UGT1A10: variants seen among roughly 807,000 people sequenced by gnomAD.
UGT1A10 encodes UDP-glucuronosyltransferase 1A10.
In UGT1A10, 49 loss-of-function variants were observed where a neutral mutation model predicts 45.8. That is an observed-to-expected ratio of 1.07 (90% CI 0.85 to 1.36). The LOEUF is 1.36. Ranked by LOEUF, UGT1A10 falls within the 40% of genes most tolerant of loss-of-function variation. The pLI is 0.00. For synonymous variants in UGT1A10, 284 were observed against 249.7 expected, an observed-to-expected ratio of 1.14 and a Z score of -1.29; for missense variants, 745 against 668.6, an observed-to-expected ratio of 1.11 and a Z score of -1.26.
At chr2:233,756,038 T>C (rs1229247298) in intron 1 of UGT1A10, 1 of 152,242 alleles carries the variant, frequency 6.6e-6, no homozygotes, top group Non-Finnish European at 1.5e-5. Flanking sequence ...ATGTAGCTTC[T>C]GGAAAACTCC....
intron 1 of UGT1A10, among the ~76,000 whole-genome samples, chr2:233,643,489 C>A (rs1324066906): frequency 6.6e-6 from 1 of 152,066 alleles, no homozygotes; most frequent in Non-Finnish European, 1.5e-5. Flanking sequence ...GAAATGCTGT[C>A]CGAGTCAAGT....
At chr2:233,760,928 T>C (rs1276169722) in intron 1 of UGT1A10, 2 of 1,614,184 alleles carry the variant, frequency 1.2e-6, no homozygotes, top group Non-Finnish European at 1.7e-6. Context: ...AAGAACATGC[T>C]CATTGCCTTT....
At chr2:233,663,646 C>A (rs575637406) in intron 1 of UGT1A10, among the ~76,000 whole-genome samples, 1 of 152,228 alleles carries the variant, frequency 6.6e-6, no homozygotes, top group East Asian at 1.9e-4. Flanking sequence ...GGAATCTAGT[C>A]CCCTGGCAAG....
At chr2:233,694,584 A>G (rs2075227609) in intron 1 of UGT1A10, among the ~76,000 whole-genome samples, 1 of 152,218 alleles carries the variant, frequency 6.6e-6, no homozygotes, top group Non-Finnish European at 1.5e-5. Context: ...GTAAATATTT[A>G]CAACTTTGAA....
intron 1 of UGT1A10, among the ~76,000 whole-genome samples, chr2:233,669,055 T>C (rs1462807738): frequency 6.6e-6 from 1 of 152,232 alleles, no homozygotes; most frequent in African/African-American, 2.4e-5. Context: ...GTAATGTGTT[T>C]TCCCGCTTTC....
At position 233,672,363 on chromosome 2, in the gene UGT1A10, T is replaced by G. The variant is rs751596599; in HGVS notation, c.855+34986T>G. On this transcript the variant is annotated intron_variant, in intron 1 of 4. Coordinates refer to ENST00000344644, the MANE Select transcript of UGT1A10 (RefSeq NM_019075.4). ...AATACTTAAAGGAGAGTTCTTTTGA[T>G]GCAGTGTTTCTCGATCCTTTTGATA... 4 of 1,614,210 alleles carry G rather than the reference T, an allele frequency of 2.5e-6. No individual in the cohort carries two copies. The East Asian group carries it at 8.9e-5, about 36-fold the overall frequency.
At chr2:233,692,017 T>C (rs1291303297) in intron 1 of UGT1A10, 2 of 152,224 alleles carry the variant, frequency 1.3e-5, no homozygotes, top group Non-Finnish European at 2.9e-5. Flanking sequence ...TCTCTAAGGA[T>C]GAGGGCTAGT....
chr2:233,701,290 G>A (rs1052682506), intron 1 of UGT1A10, among the ~76,000 whole-genome samples: 2 of 152,088 alleles, frequency 1.3e-5, no homozygotes, highest in South Asian at 2.1e-4. Context: ...TTGAGGAATC[G>A]CCACACTGTC....
chr2:233,732,886 T>C lies in UGT1A10; in HGVS notation c.856-34148T>C, dbSNP rs572448291. On this transcript the variant is annotated intron_variant, in intron 1 of 4. Coordinates refer to ENST00000344644, the MANE Select transcript of UGT1A10 (RefSeq NM_019075.4). ...CTTGATGGGTTTGGCATTGAATCTATAAATTACCTTGGGCAGTATGGCCAT... is the reference window on the plus strand; with the variant it reads ...CTTGATGGGTTTGGCATTGAATCTACAAATTACCTTGGGCAGTATGGCCAT... Among the ~76,000 whole-genome samples, 466 of 152,210 alleles carry C rather than the reference T, an allele frequency of 3.1e-3. 4 individuals are homozygous for C. The highest frequency in any genetic ancestry group is 0.011 in the African/African-American group (443 of 41,520).
chr2:233,673,359 A>G (rs45456696), intron 1 of UGT1A10, among the ~76,000 whole-genome samples: 63 of 152,286 alleles, frequency 4.1e-4, no homozygotes, highest in African/African-American at 1.5e-3. Context: ...TTTGGATGCA[A>G]TGTAGTTTTT....
chr2:233,668,389 C>A (rs900825718), intron 1 of UGT1A10, among the ~76,000 whole-genome samples: 2 of 152,204 alleles, frequency 1.3e-5, no homozygotes, highest in African/African-American at 4.8e-5. Flanking sequence ...ATGAACTCAT[C>A]CTTTTTTATG....
At chr2:233,680,011 T>TTC (rs892879074) in intron 1 of UGT1A10, among the ~76,000 whole-genome samples, 1 of 152,052 alleles carries the variant, frequency 6.6e-6, no homozygotes, top group Non-Finnish European at 1.5e-5. Flanking sequence ...TTTTCTTTCT[T>TTC]TCTCTCTCTC....
chr2:233,695,130 C>CTTTCTTTTTTTTTTT (rs1364557158), intron 1 of UGT1A10, among the ~76,000 whole-genome samples: 3 of 138,838 alleles, frequency 2.2e-5, no homozygotes, highest in South Asian at 2.3e-4. Flanking sequence ...CTTTTCTTTT[C>CTTTCTTTTTTTTTTT]TTTTTTTTTT....
chr2:233,689,041 A>G (rs1448719900), intron 1 of UGT1A10, among the ~76,000 whole-genome samples: 1 of 152,142 alleles, frequency 6.6e-6, no homozygotes, highest in African/African-American at 2.4e-5. Context: ...ATCCTACTTT[A>G]TGTCTCTTCT....
rs561148269 is a variant in UGT1A10 at position 233,758,341 on chromosome 2, T to A, written c.856-8693T>A. The stretch of plus-strand genomic sequence containing the variant: ...GCAGCCTCAAAAAGCTTGGAAGCTC[T>A]GCATGATGCAGGAAAGTCATAAAAT... On this transcript the variant is annotated intron_variant, in intron 1 of 4. Coordinates refer to ENST00000344644, the MANE Select transcript of UGT1A10 (RefSeq NM_019075.4). Among the ~76,000 whole-genome samples the A allele has an allele frequency of 3.3e-5, 5 of 152,358 alleles. No homozygotes were observed. In the South Asian group the frequency reaches 8.3e-4, roughly 25 times the overall value.
At position 233,639,984 on chromosome 2, in the gene UGT1A10, G is replaced by T. The variant is rs45578834; in HGVS notation, c.855+2607G>T. On this transcript the variant is annotated intron_variant, in intron 1 of 4. Transcript: ENST00000344644. ...AACAGAATTGATGACTGGTTTTAGG[G>T]GAAAAGAATTCAGGCTTCATCTATA... Among the ~76,000 whole-genome samples, 177 of 152,250 alleles carry T rather than the reference G, an allele frequency of 1.2e-3. 1 individual carries two copies. Among genetic ancestry groups the T allele is most frequent in the African/African-American group, 4.1e-3 (169 of 41,546 alleles).
intron 1 of UGT1A10, chr2:233,682,555 A>G: frequency 1.2e-6 from 2 of 1,613,922 alleles, no homozygotes; most frequent in Non-Finnish European, 1.7e-6. Flanking sequence ...TCAAGGAGAG[A>G]GTATGGAACC....
chr2:233,641,422 T>A (rs767764285), intron 1 of UGT1A10, among the ~76,000 whole-genome samples: 6 of 152,218 alleles, frequency 3.9e-5, no homozygotes, highest in Admixed American at 6.5e-5. Flanking sequence ...CCCTACTTTT[T>A]AACTCTTTGT....
chr2:233,748,482 T>G (rs1174810693), intron 1 of UGT1A10, among the ~76,000 whole-genome samples: 1 of 151,838 alleles, frequency 6.6e-6, no homozygotes, highest in African/African-American at 2.4e-5. Flanking sequence ...AAATTACAAT[T>G]GTTAATGTGA....
Sources: gnomAD v4.1 joint callset for allele counts (sites outside exome capture counted in the v4.1 genomes callset) on GRCh38, gnomAD v4.1.1 for gene constraint, MANE v1.5 for transcripts, NCBI Gene and HGNC (gene_info 2026-07-23, HGNC 2026-07-21) for gene names.